ST14: variants seen among roughly 807,000 people sequenced by gnomAD.
ST14 encodes the protein ST14 transmembrane serine protease matriptase, also known as suppressor of tumorigenicity 14 protein.
A neutral mutation model predicts 96.5 loss-of-function variants in ST14; 40 were observed. The observed-to-expected ratio is 0.41, with a 90% CI of 0.32 to 0.54. The LOEUF (loss-of-function observed/expected upper bound fraction) is 0.54, where lower values mean the gene tolerates loss of function less well. Among genes scored for constraint, ST14 ranks in the 20% least tolerant of loss-of-function variants. ST14 has a pLI of 0.17. For missense variants in ST14, 1,066 were observed against 1,188.9 expected, an observed-to-expected ratio of 0.90 and a Z score of 1.52; for synonymous variants, 506 against 492.1, an observed-to-expected ratio of 1.03 and a Z score of -0.37.
chr11:130,205,929 C>T (rs980633250), intron 16 of ST14, among the ~76,000 whole-genome samples: 2 of 151,962 alleles, frequency 1.3e-5, no homozygotes, highest in Non-Finnish European at 2.9e-5. Flanking sequence ...AAACTCCCAA[C>T]CTTGTGATCC....
chr11:130,169,191 T>C (rs1180658771), intron 1 of ST14, among the ~76,000 whole-genome samples: 1 of 148,598 alleles, frequency 6.7e-6, no homozygotes, highest in East Asian at 2.0e-4. Flanking sequence ...GCCTCCCTGG[T>C]TCAAGCGATT....
intron 7 of ST14, 83 bp from the exon 8 acceptor site, chr11:130,194,066 C>T: frequency 3.2e-6 from 5 of 1,579,998 alleles, no homozygotes; most frequent in Admixed American, 1.7e-5. Context: ...TCCTCAGGCA[C>T]CTCTGCCTGA....
chr11:130,179,360 G>A (rs912424892), intron 1 of ST14, among the ~76,000 whole-genome samples: 2 of 152,218 alleles, frequency 1.3e-5, no homozygotes, highest in African/African-American at 4.8e-5. Flanking sequence ...GGCTTTTGCA[G>A]GTTTCGTGAA....
intron 16 of ST14, among the ~76,000 whole-genome samples, chr11:130,205,630 T>C (rs952189481): frequency 1.3e-5 from 2 of 151,970 alleles, no homozygotes; most frequent in Non-Finnish European, 2.9e-5. Flanking sequence ...GCGGCATTGC[T>C]TTGTGCTGCG....
At position 130,189,910 on chromosome 11, in the gene ST14, C is replaced by T. The variant is rs759641383; in HGVS notation, c.598+14C>T. On this transcript the variant is annotated intron_variant, in intron 5 of 18. Coordinates refer to ENST00000278742, the MANE Select transcript of ST14 (RefSeq NM_021978.4). Reference sequence around the variant, plus strand: ...TGGTGGCTTTCCGTGAGTCCGAGGGCCAGGGGTGGGCGTGGGACTGGCCAG... The same window carrying T: ...TGGTGGCTTTCCGTGAGTCCGAGGGTCAGGGGTGGGCGTGGGACTGGCCAG... The T allele has an allele frequency of 5.0e-6, 8 of 1,613,386 alleles. No individual in the cohort carries two copies. Among genetic ancestry groups the T allele is most frequent in the Non-Finnish European group, 6.8e-6 (8 of 1,179,940 alleles).
intron 16 of ST14, among the ~76,000 whole-genome samples, chr11:130,201,507 T>C (rs1272033226): frequency 1.3e-5 from 2 of 152,202 alleles, no homozygotes; most frequent in African/African-American, 4.8e-5. Flanking sequence ...GTGATGGAGA[T>C]GGACAGCAAG....
chr11:130,174,862 C>T (rs1953122010), intron 1 of ST14, among the ~76,000 whole-genome samples: 1 of 152,216 alleles, frequency 6.6e-6, no homozygotes, highest in African/African-American at 2.4e-5. Flanking sequence ...CTAGCCCAGC[C>T]CAGACTTTTT....
rs766851174 is a variant in ST14 at position 130,198,914 on chromosome 11, T to C, written c.1685-33T>C. 19 of 1,613,366 alleles carry C rather than the reference T, an allele frequency of 1.2e-5. 1 individual carries two copies. Among genetic ancestry groups the C allele is most frequent in the South Asian group, 1.1e-4 (10 of 90,862 alleles). ...CTTCTGGTCGGATGCTGCAGAGGAA[T>C]TGAGCCCCTCCCTTGTCCTCCTCCT... On this transcript the variant is annotated intron_variant, in intron 14 of 18. Coordinates refer to ENST00000278742, the MANE Select transcript of ST14 (RefSeq NM_021978.4).
rs575429246 is a variant in ST14 at position 130,181,305 on chromosome 11, G to A, written c.82-6809G>A. 3.0e-4 allele frequency among the ~76,000 whole-genome samples: 45 copies of A among 152,168 alleles called. No individual in the cohort carries two copies. Among genetic ancestry groups the A allele is most frequent in the African/African-American group, 1.0e-3 (42 of 41,514 alleles). Reference sequence around the variant, plus strand: ...CTGAGCCCTTTATCCCCAACCTCCCGCCTGGAAGTCATTCCTCGTTCCCTT... The same window carrying A: ...CTGAGCCCTTTATCCCCAACCTCCCACCTGGAAGTCATTCCTCGTTCCCTT... On this transcript the variant is annotated intron_variant, in intron 1 of 18. Transcript: ENST00000278742. The surrounding 1 kb of genome is among the most constrained non-coding windows in gnomAD (Gnocchi z 4.1).
intron 9 of ST14, 31 bp from the exon 10 acceptor site, chr11:130,196,308 T>C: frequency 6.5e-7 from 1 of 1,529,572 alleles, no homozygotes; most frequent in Non-Finnish European, 8.9e-7. Flanking sequence ...GGAGGGGAAC[T>C]GCACATTCCC....
At chr11:130,205,796 T>A (rs1953481055) in intron 16 of ST14, among the ~76,000 whole-genome samples, 1 of 148,662 alleles carries the variant, frequency 6.7e-6, no homozygotes, top group African/African-American at 2.5e-5. Context: ...CCTCCCAGGT[T>A]CAGGTGATTC....
chr11:130,195,775 C>T (rs1953354937), intron 9 of ST14, among the ~76,000 whole-genome samples: 2 of 151,446 alleles, frequency 1.3e-5, no homozygotes, highest in South Asian at 2.1e-4. Flanking sequence ...GTAGCTTGAA[C>T]CCGGGAGTCG....
At chr11:130,179,336 C>T (rs1953169615) in intron 1 of ST14, among the ~76,000 whole-genome samples, 1 of 152,190 alleles carries the variant, frequency 6.6e-6, no homozygotes, top group African/African-American at 2.4e-5. Flanking sequence ...GGGTTGCGAT[C>T]AATGGGAACC....
At chr11:130,196,198 C>G in intron 9 of ST14, 141 bp from the exon 10 acceptor site, 1 of 712,718 alleles carries the variant, frequency 1.4e-6, no homozygotes, top group South Asian at 1.5e-5. Flanking sequence ...AACAAACACG[C>G]TGGGAGAACT....
At chr11:130,197,036 T>C (rs1417085061) in intron 11 of ST14, among the ~76,000 whole-genome samples, 1 of 152,210 alleles carries the variant, frequency 6.6e-6, no homozygotes, top group Non-Finnish European at 1.5e-5. Flanking sequence ...CTTGCCTCTG[T>C]GGCCTGTTAG....
At chr11:130,184,986 C>T (rs1001114703) in intron 1 of ST14, among the ~76,000 whole-genome samples, 3 of 152,310 alleles carry the variant, frequency 2.0e-5, no homozygotes, top group East Asian at 1.9e-4. Context: ...ACTTGTGTCC[C>T]CGCCAGTGAA....
chr11:130,180,077 C>A (rs1394663004), intron 1 of ST14, among the ~76,000 whole-genome samples: 2 of 152,192 alleles, frequency 1.3e-5, no homozygotes, highest in Non-Finnish European at 2.9e-5. Context: ...TGAAATCCGT[C>A]CCACCTTGGA....
At chr11:130,189,118 A>G (rs1174082913) in intron 4 of ST14, among the ~76,000 whole-genome samples, 179 bp downstream of exon 4, 1 of 152,192 alleles carries the variant, frequency 6.6e-6, no homozygotes, top group Non-Finnish European at 1.5e-5. Context: ...TTCTGCCCCC[A>G]TGGCAAAGGT....
chr11:130,170,088 T>TC (rs1193009682), intron 1 of ST14, among the ~76,000 whole-genome samples: 1 of 152,108 alleles, frequency 6.6e-6, no homozygotes, highest in Non-Finnish European at 1.5e-5. Flanking sequence ...AGAGGTTATG[T>TC]CCTGGTGTGT....
Sources: allele counts gnomAD v4.1 joint callset (sites outside exome capture counted in the v4.1 genomes callset), GRCh38; gene constraint gnomAD v4.1.1; non-coding constraint Gnocchi (gnomAD v3.1); transcripts MANE v1.5; gene names NCBI Gene and HGNC (gene_info 2026-07-23, HGNC 2026-07-21).